LHFPL3: variants seen among roughly 807,000 people sequenced by gnomAD.
LHFPL3 encodes LHFPL tetraspan subfamily member 3, also known as LHFPL tetraspan subfamily member 3 protein.
Under a neutral mutation model 19.3 loss-of-function variants are expected in LHFPL3, and 5 were observed. That is an observed-to-expected ratio of 0.26 (90% confidence interval 0.14 to 0.54). The LOEUF is 0.54. LHFPL3 is among the 20% of genes least tolerant of loss of function. LHFPL3 has a pLI of 0.94. For missense variants in LHFPL3, 249 were observed against 307.4 expected (o/e 0.81, Z 1.42); for synonymous variants, 133 against 126.2 (o/e 1.05, Z -0.36).
chr7:104,715,508 G>A (rs1024207542), intron 1 of LHFPL3, among the ~76,000 whole-genome samples: 9 of 152,186 alleles, frequency 5.9e-5, no homozygotes, highest in African/African-American at 2.2e-4. Context: ...TCAGCATTGA[G>A]TATGATGTTT....
intron 1 of LHFPL3, among the ~76,000 whole-genome samples, chr7:104,563,728 A>C (rs1790064851): frequency 6.6e-6 from 1 of 152,174 alleles, no homozygotes; most frequent in African/African-American, 2.4e-5. Flanking sequence ...TCTGTAAACC[A>C]GGAAGTAGGC....
chr7:104,362,013 G>A (rs536296732), intron 1 of LHFPL3, among the ~76,000 whole-genome samples: 19 of 152,346 alleles, frequency 1.2e-4, no homozygotes, highest in Admixed American at 2.6e-4. Flanking sequence ...ACTAGGGGAT[G>A]TGAATGTGTG....
At chr7:104,386,163 AG>A (rs1051296417) in intron 1 of LHFPL3, among the ~76,000 whole-genome samples, 2 of 152,230 alleles carry the variant, frequency 1.3e-5, no homozygotes, top group Admixed American at 1.3e-4. Flanking sequence ...AACAAAAAAC[AG>A]CAGCCTAACA....
intron 2 of LHFPL3, among the ~76,000 whole-genome samples, chr7:104,899,698 A>G (rs1351577478): frequency 6.6e-6 from 1 of 152,172 alleles, no homozygotes; most frequent in African/African-American, 2.4e-5. Context: ...GTCAGTCACT[A>G]AAGTAGGGAC....
chr7:104,544,897 G>A (rs1211372186), intron 1 of LHFPL3, among the ~76,000 whole-genome samples: 1 of 152,110 alleles, frequency 6.6e-6, no homozygotes, highest in Non-Finnish European at 1.5e-5. Context: ...TTTTGGAAAA[G>A]TATCTGGCTT....
rs1279826800 is a variant in LHFPL3, at chr7:104,907,719, A to G, written c.*1504A>G. Reference sequence around the variant, plus strand: ...ACAAATCAGTGTATATCACTAGAACATCAGATGGAGGATAACACAAGAAGT... The same window carrying G: ...ACAAATCAGTGTATATCACTAGAACGTCAGATGGAGGATAACACAAGAAGT... On this transcript the variant is annotated 3_prime_UTR_variant, in exon 3 of 3. Coordinates refer to ENST00000424859, the MANE Select transcript of LHFPL3 (RefSeq NM_199000.3). Among the ~76,000 whole-genome samples the G allele has an allele frequency of 1.3e-5, 2 of 152,230 alleles. No homozygotes were observed. The highest frequency in any genetic ancestry group is 1.9e-4 in the East Asian group (1 of 5,208).
At chr7:104,860,133 A>C (rs562596366) in intron 2 of LHFPL3, among the ~76,000 whole-genome samples, 1 of 151,592 alleles carries the variant, frequency 6.6e-6, no homozygotes, top group Admixed American at 6.6e-5. Flanking sequence ...TTCACTTCTA[A>C]TCCTTCTACC....
intron 1 of LHFPL3, among the ~76,000 whole-genome samples, chr7:104,703,452 G>T (rs906418812): frequency 6.6e-6 from 1 of 152,160 alleles, no homozygotes; most frequent in African/African-American, 2.4e-5. Flanking sequence ...TAAAACCTAA[G>T]AGCACAAAGT....
chr7:104,868,007 G>A (rs1310918355), intron 2 of LHFPL3, among the ~76,000 whole-genome samples: 1 of 152,076 alleles, frequency 6.6e-6, no homozygotes, highest in East Asian at 1.9e-4. Flanking sequence ...ATGCAGAAAA[G>A]GCCTTTGACA....
At chr7:104,491,488 A>G (rs1430961452) in intron 1 of LHFPL3, among the ~76,000 whole-genome samples, 13 of 151,808 alleles carry the variant, frequency 8.6e-5, no homozygotes, top group Non-Finnish European at 1.6e-4. Context: ...AAAACAAATT[A>G]TAGGTGGAAG....
At chr7:104,720,479 G>A (rs1793467924) in intron 1 of LHFPL3, among the ~76,000 whole-genome samples, 1 of 152,250 alleles carries the variant, frequency 6.6e-6, no homozygotes, top group Non-Finnish European at 1.5e-5. Flanking sequence ...ACGTAGGCAT[G>A]GGCAAGGACT....
chr7:104,392,150 C>G (rs1791085515), intron 1 of LHFPL3, among the ~76,000 whole-genome samples: 1 of 152,098 alleles, frequency 6.6e-6, no homozygotes, highest in Non-Finnish European at 1.5e-5. Context: ...ATTTGACTTC[C>G]TCTTTTCCTG....
intron 1 of LHFPL3, among the ~76,000 whole-genome samples, chr7:104,465,345 G>C (rs1477957009): frequency 6.6e-6 from 1 of 152,084 alleles, no homozygotes; most frequent in Non-Finnish European, 1.5e-5. Context: ...TCCTCCAAAG[G>C]GTTCCAACCT....
chr7:104,549,964 G>A (rs1794637656), intron 1 of LHFPL3, among the ~76,000 whole-genome samples: 1 of 152,182 alleles, frequency 6.6e-6, no homozygotes, highest in African/African-American at 2.4e-5. Context: ...CCAATAGGAT[G>A]TGTGTACAGA....
intron 2 of LHFPL3, among the ~76,000 whole-genome samples, chr7:104,776,239 T>C (rs1794635085): frequency 6.6e-6 from 1 of 152,182 alleles, no homozygotes; most frequent in Admixed American, 6.5e-5. Context: ...ATAAGAAAAA[T>C]GTATTTGGAA....
chr7:104,375,386 G>A (rs1209309907), intron 1 of LHFPL3, among the ~76,000 whole-genome samples: 2 of 152,028 alleles, frequency 1.3e-5, no homozygotes, highest in African/African-American at 2.4e-5. Flanking sequence ...AAAGAAAAAT[G>A]AAAACAATAA....
intron 2 of LHFPL3, among the ~76,000 whole-genome samples, chr7:104,892,738 A>G (rs1334561958): frequency 1.3e-5 from 2 of 151,590 alleles, no homozygotes; most frequent in Non-Finnish European, 2.9e-5. Flanking sequence ...AAAAATCCTA[A>G]ATCTACCATT....
chr7:104,352,703 C>T (rs567400141), intron 1 of LHFPL3, among the ~76,000 whole-genome samples: 16 of 152,354 alleles, frequency 1.1e-4, no homozygotes, highest in East Asian at 5.8e-4. Flanking sequence ...AAGATCTCAA[C>T]GCAGAGAACA....
intron 1 of LHFPL3, among the ~76,000 whole-genome samples, chr7:104,346,640 T>G (rs191541698): frequency 1.3e-3 from 205 of 151,974 alleles, no homozygotes; most frequent in Admixed American, 4.8e-3. Flanking sequence ...GTTCTCCACT[T>G]CCAGTGACAC....
Sources: allele counts gnomAD v4.1 joint callset (sites outside exome capture counted in the v4.1 genomes callset), GRCh38; gene constraint gnomAD v4.1.1; transcripts MANE v1.5; gene names NCBI Gene and HGNC (gene_info 2026-07-23, HGNC 2026-07-21).